STXBP4: variants seen among roughly 807,000 people sequenced by gnomAD.
STXBP4 encodes syntaxin binding protein 4, also known as syntaxin-binding protein 4.
STXBP4 carries 55 observed loss-of-function variants against 76.1 expected under a neutral mutation model. That is an observed-to-expected ratio of 0.72 (90% CI 0.58 to 0.91). The LOEUF is 0.91. STXBP4 is among the 40% of genes least tolerant of loss of function. The pLI is 0.00. For synonymous variants in STXBP4, 201 were observed against 220.2 expected, an observed-to-expected ratio of 0.91 and a Z score of 0.77; for missense variants, 618 against 636.9, an observed-to-expected ratio of 0.97 and a Z score of 0.32.
intron 8 of STXBP4, among the ~76,000 whole-genome samples, chr17:55,009,394 A>G (rs915788331): frequency 2.0e-5 from 3 of 152,216 alleles, no homozygotes; most frequent in Non-Finnish European, 4.4e-5. Context: ...ATTTAATACC[A>G]TTCTTCTGGA....
Position 55,164,458 on chromosome 17 carries a change from T to C in STXBP4, c.*4547T>C, listed in dbSNP as rs1213630715. 2.3e-4 allele frequency: 32 copies of C among 141,604 alleles called. No homozygotes were observed. The highest frequency in any genetic ancestry group is 8.5e-4 in the African/African-American group (32 of 37,728). 8.8% of individuals were successfully genotyped at this position (141,604 alleles called of 1,614,324 possible). A position where few individuals can be genotyped will look rare whatever the true frequency, so the allele number is the denominator to read the frequency against. On this transcript the variant is annotated 3_prime_UTR_variant, in exon 18 of 18. Coordinates refer to ENST00000376352, the MANE Select transcript of STXBP4 (RefSeq NM_178509.6). Reference sequence around the variant, plus strand: ...TATTTCTTTTTTTTTTTTTTTTTTTTTTTGAGACGGAGTCTCGCTCTGTCG... The same window carrying C: ...TATTTCTTTTTTTTTTTTTTTTTTTCTTTGAGACGGAGTCTCGCTCTGTCG...
At chr17:55,138,694 TA>T (rs1273160217) in intron 16 of STXBP4, among the ~76,000 whole-genome samples, 1 of 152,166 alleles carries the variant, frequency 6.6e-6, no homozygotes, top group African/African-American at 2.4e-5. Context: ...AGGAAAATTT[TA>T]AAACAATAAT....
rs2077627386 is a variant in STXBP4 at position 54,986,391 on chromosome 17, G to A, written c.47+125G>A. The A allele has an allele frequency of 7.8e-6, 5 of 637,954 alleles. No individual in the cohort carries two copies. The South Asian group carries it at 1.0e-4, about 13-fold the overall frequency. 39.5% of individuals were successfully genotyped at this position (637,954 alleles called of 1,614,324 possible). A position where few individuals can be genotyped will look rare whatever the true frequency, so the allele number is the denominator to read the frequency against. ...TGGTCTAGGATAGCAGCAATGAGTA[G>A]TGAGTAAAGTAATACGTTGAATTAC... On this transcript the variant is annotated intron_variant, in intron 3 of 17. Transcript: ENST00000376352.
At chr17:55,011,509 T>C (rs1016925093) in intron 8 of STXBP4, among the ~76,000 whole-genome samples, 4 of 23,142 alleles carry the variant, frequency 1.7e-4, no homozygotes, top group Non-Finnish European at 2.9e-4. Context: ...TTTCTTTTTC[T>C]TTTTTTTTTT....
chr17:54,976,813 C>A (rs142601864), intron 1 of STXBP4, among the ~76,000 whole-genome samples: 1 of 152,252 alleles, frequency 6.6e-6, no homozygotes, highest in African/African-American at 2.4e-5. Context: ...TGGAAACCAT[C>A]CCCCACACCC....
intron 17 of STXBP4, among the ~76,000 whole-genome samples, chr17:55,152,800 G>C (rs2080230779): frequency 5.3e-5 from 8 of 152,134 alleles, no homozygotes; most frequent in Admixed American, 4.6e-4. Context: ...GGTACACAGA[G>C]CCAAACCATA....
At chr17:55,197,215 A>C in the STXBP4 span, among the ~76,000 whole-genome samples, 1 of 152,238 alleles carries the variant, frequency 6.6e-6, no homozygotes, top group Non-Finnish European at 1.5e-5. Flanking sequence ...TGCAGACAAG[A>C]TGGAGAACTG....
At chr17:55,109,791 C>A (rs145973694) in intron 16 of STXBP4, among the ~76,000 whole-genome samples, 1 of 152,004 alleles carries the variant, frequency 6.6e-6, no homozygotes, top group African/African-American at 2.4e-5. Context: ...GCCGTCACCA[C>A]CATGGCTGGC....
At chr17:55,193,304 A>G in the STXBP4 span, among the ~76,000 whole-genome samples, 1 of 152,202 alleles carries the variant, frequency 6.6e-6, no homozygotes, top group Admixed American at 6.5e-5. Flanking sequence ...TGAAAGGACC[A>G]CATGCAAGGG....
chr17:55,054,015 A>G (rs2078893627), intron 12 of STXBP4, among the ~76,000 whole-genome samples: 1 of 152,172 alleles, frequency 6.6e-6, no homozygotes, highest in Non-Finnish European at 1.5e-5. Context: ...AGCAGTACCT[A>G]CTTTTTCCAC....
In STXBP4 at chr17:55,093,937, C is replaced by T. The variant is rs1389146364; in HGVS notation, c.1489+12754C>T. On this transcript the variant is annotated intron_variant, in intron 16 of 17. Transcript: ENST00000376352. ...AGCAAGTTCACAAATAAATAGAAAA[C>T]GTAATTGTAGACAGTGATGAGTGTT... is the stretch of plus-strand genomic sequence containing the variant. Among the ~76,000 whole-genome samples, 7 of 151,868 alleles carry T rather than the reference C, an allele frequency of 4.6e-5. No homozygotes were observed. The East Asian group carries it at 9.7e-4, about 21-fold the overall frequency.
the STXBP4 span, among the ~76,000 whole-genome samples, chr17:55,179,788 CTA>C: frequency 1.3e-5 from 2 of 152,016 alleles, no homozygotes; most frequent in South Asian, 4.1e-4. Context: ...ATAGTATAAA[CTA>C]TATGTTACAT....
chr17:55,161,537 G>C lies in STXBP4; in HGVS notation c.*1626G>C, dbSNP rs1220623018. On this transcript the variant is annotated 3_prime_UTR_variant, in exon 18 of 18. Transcript: ENST00000376352. Reference sequence around the variant, plus strand: ...CCCTGCTTGAAGAGTTTTCTAATTCGTTTCTAGTGAGCAAAACAAAGAAGG... The same window carrying C: ...CCCTGCTTGAAGAGTTTTCTAATTCCTTTCTAGTGAGCAAAACAAAGAAGG... The C allele has an allele frequency of 6.6e-6, 1 of 152,114 alleles. No individual in the cohort carries two copies. The highest frequency in any genetic ancestry group is 1.5e-5 in the Non-Finnish European group (1 of 67,998). The allele number at this position is 152,114 out of a possible 1,614,324, so 9.4% of individuals were successfully genotyped here.
At chr17:54,999,910 G>A in intron 6 of STXBP4, 68 bp downstream of exon 6, 1 of 1,004,772 alleles carries the variant, frequency 1.0e-6, no homozygotes, top group Non-Finnish European at 1.5e-6. Flanking sequence ...TTTTACATTG[G>A]TTATGTACAT....
At chr17:55,104,397 T>G (rs1033341051) in intron 16 of STXBP4, among the ~76,000 whole-genome samples, 1 of 152,214 alleles carries the variant, frequency 6.6e-6, no homozygotes, top group Non-Finnish European at 1.5e-5. Context: ...GTGGTTTTTG[T>G]CATTGATTCT....
chr17:55,193,889 A>G, the STXBP4 span, among the ~76,000 whole-genome samples: 2 of 151,824 alleles, frequency 1.3e-5, no homozygotes, highest in Non-Finnish European at 2.9e-5. Flanking sequence ...AGCATCACCA[A>G]TCTCAGGAAG....
rs1177773734 is a variant in STXBP4 at position 55,164,254 on chromosome 17, T to G, written c.*4343T>G. On this transcript the variant is annotated 3_prime_UTR_variant, in exon 18 of 18. Coordinates refer to ENST00000376352, the MANE Select transcript of STXBP4 (RefSeq NM_178509.6). Reference sequence around the variant, plus strand: ...ATATTAACTGCAATTCTGTATTTGCTTTCTTGATATGACTTTTAACATTTA... The same window carrying G: ...ATATTAACTGCAATTCTGTATTTGCGTTCTTGATATGACTTTTAACATTTA... 6.6e-6 allele frequency: 1 copy of G among 152,210 alleles called. No individual in the cohort carries two copies. The highest frequency in any genetic ancestry group is 1.5e-5 in the Non-Finnish European group (1 of 68,038). The allele number at this position is 152,210 out of a possible 1,614,324, so 9.4% of individuals were successfully genotyped here.
At chr17:55,086,496 T>C (rs2079332269) in intron 16 of STXBP4, among the ~76,000 whole-genome samples, 1 of 152,204 alleles carries the variant, frequency 6.6e-6, no homozygotes, top group Non-Finnish European at 1.5e-5. Flanking sequence ...AACTTATTCC[T>C]TCTATCTAGC....
At chr17:55,093,283 C>G (rs1371719525) in intron 16 of STXBP4, among the ~76,000 whole-genome samples, 1 of 152,148 alleles carries the variant, frequency 6.6e-6, no homozygotes, top group African/African-American at 2.4e-5. Context: ...AGTCACCGCA[C>G]CCAGCCAAAA....
Sources: gnomAD v4.1 joint callset for allele counts (sites outside exome capture counted in the v4.1 genomes callset) on GRCh38, gnomAD v4.1.1 for gene constraint, MANE v1.5 for transcripts, NCBI Gene and HGNC (gene_info 2026-07-23, HGNC 2026-07-21) for gene names.